The following GRID1 variants were observed in gnomAD, a reference collection of about 807,000 sequenced individuals.
GRID1 encodes glutamate ionotropic receptor delta type subunit 1.
GRID1 carries 28 observed loss-of-function variants against 98.0 expected under a neutral mutation model. The ratio of observed to expected loss-of-function variants is 0.29; its 90% CI spans 0.21 to 0.39. The LOEUF (loss-of-function observed/expected upper bound fraction) is 0.39. Ranked by LOEUF, GRID1 falls within the 10% of genes least tolerant of loss-of-function variation. The probability of loss-of-function intolerance (pLI) is 1.00; values close to 1 mark genes in which losing one functional copy is unlikely to be tolerated. For missense variants in GRID1, 1,111 were observed against 1,340.5 expected, an observed-to-expected ratio of 0.83 and a Z score of 2.67; for synonymous variants, 553 against 538.5, an observed-to-expected ratio of 1.03 and a Z score of -0.37.
rs73342507 is a variant in GRID1 at position 85,870,599 on chromosome 10, G to A, written c.781-1419C>T. Among the ~76,000 whole-genome samples the A allele has an allele frequency of 5.3e-3, 802 of 152,342 alleles. 5 individuals carry two copies. Among genetic ancestry groups the A allele is most frequent in the African/African-American group, 0.018 (757 of 41,568 alleles). Reference sequence around the variant, plus strand: ...GAAACTTGCTAGCCAAAGTGCCGCTGGTAGGCAGGGCACAGTTGCAGTTGA... The same window carrying A: ...GAAACTTGCTAGCCAAAGTGCCGCTAGTAGGCAGGGCACAGTTGCAGTTGA... On this transcript the variant is annotated intron_variant, in intron 5 of 15. Coordinates refer to ENST00000327946, the MANE Select transcript of GRID1 (RefSeq NM_017551.3).
At chr10:86,019,818 T>G (rs1843026401) in intron 4 of GRID1, among the ~76,000 whole-genome samples, 1 of 152,222 alleles carries the variant, frequency 6.6e-6, no homozygotes, top group African/African-American at 2.4e-5. Context: ...CCACGAGGCA[T>G]CCTCAGCATG....
Position 85,826,178 on chromosome 10 carries a change from A to T in GRID1, c.1233+28318T>A, listed in dbSNP as rs191116058. 5.5e-3 allele frequency among the ~76,000 whole-genome samples: 844 copies of T among 152,122 alleles called. 2 individuals are homozygous for T. Among genetic ancestry groups the T allele is most frequent in the Admixed American group, 0.01 (156 of 15,286 alleles). ...CACCCTCATCTCTACTAAAAAAAAA[A>T]TACAAAATTAGCTGGGCATGGTGGC... On this transcript the variant is annotated intron_variant, in intron 8 of 15. Transcript: ENST00000327946.
chr10:86,151,815 C>T (rs79657410), intron 3 of GRID1, among the ~76,000 whole-genome samples: 1 of 152,146 alleles, frequency 6.6e-6, no homozygotes, highest in Non-Finnish European at 1.5e-5. Context: ...TCGGGATCTG[C>T]GCTGGTGGGG....
chr10:86,307,666 A>G (rs906559302), intron 2 of GRID1, among the ~76,000 whole-genome samples: 4 of 152,214 alleles, frequency 2.6e-5, no homozygotes, highest in Admixed American at 6.5e-5. Flanking sequence ...CAAATTTACT[A>G]AGAGAGAATT....
At chr10:85,604,091 G>C (rs1564674558) in intron 15 of GRID1, among the ~76,000 whole-genome samples, 1 of 152,138 alleles carries the variant, frequency 6.6e-6, no homozygotes, top group African/African-American at 2.4e-5. Flanking sequence ...ATGAATCACA[G>C]GGCTAACCCC....
intron 2 of GRID1, among the ~76,000 whole-genome samples, chr10:86,287,254 T>A (rs1283101089): frequency 6.6e-6 from 1 of 151,896 alleles, no homozygotes; most frequent in Admixed American, 6.6e-5. Flanking sequence ...GTCCCCAAAT[T>A]CCCCCCTGTA....
chr10:85,637,964 A>G (rs897155265), intron 13 of GRID1, among the ~76,000 whole-genome samples: 58 of 152,200 alleles, frequency 3.8e-4, no homozygotes, highest in African/African-American at 1.3e-3. Flanking sequence ...ATGAATACAC[A>G]ACATATAAAA....
chr10:86,279,424 T>C (rs752128964), intron 2 of GRID1, among the ~76,000 whole-genome samples: 10 of 152,156 alleles, frequency 6.6e-5, no homozygotes, highest in Non-Finnish European at 1.5e-4. Context: ...AAAATGATAA[T>C]ACATCACGAC....
chr10:85,798,969 A>G (rs966353128), intron 8 of GRID1, among the ~76,000 whole-genome samples: 1 of 152,006 alleles, frequency 6.6e-6, no homozygotes, highest in East Asian at 1.9e-4. Flanking sequence ...TTTTTCTGGT[A>G]GTTTCATAGT....
intron 3 of GRID1, among the ~76,000 whole-genome samples, chr10:86,198,663 C>A (rs1305008381): frequency 6.6e-6 from 1 of 152,152 alleles, no homozygotes; most frequent in Non-Finnish European, 1.5e-5. Context: ...CCCAATGTCA[C>A]ACAGATATGG....
chr10:86,356,148 C>G (rs1327062442), intron 2 of GRID1, among the ~76,000 whole-genome samples: 3 of 152,300 alleles, frequency 2.0e-5, no homozygotes, highest in African/African-American at 7.2e-5. Flanking sequence ...CCAGCCTAGG[C>G]TGGGGACCCA....
chr10:85,695,524 C>T (rs902537735), intron 12 of GRID1, among the ~76,000 whole-genome samples: 2 of 152,192 alleles, frequency 1.3e-5, no homozygotes, highest in Non-Finnish European at 2.9e-5. Flanking sequence ...ATGAATCTCA[C>T]TGTTCAAAGT....
intron 8 of GRID1, among the ~76,000 whole-genome samples, chr10:85,731,464 TA>T (rs35732771): frequency 1.2e-3 from 167 of 142,866 alleles, no homozygotes; most frequent in Admixed American, 1.3e-3. Flanking sequence ...ATGATACAGT[TA>T]AAAAAAAAAA....
chr10:86,338,104 G>C (rs1046771286), intron 2 of GRID1, among the ~76,000 whole-genome samples: 1 of 152,114 alleles, frequency 6.6e-6, no homozygotes, highest in African/African-American at 2.4e-5. Context: ...ACACTGATTG[G>C]CTCTTGGATG....
At chr10:85,934,300 C>T (rs1327125775) in intron 4 of GRID1, among the ~76,000 whole-genome samples, 2 of 152,050 alleles carry the variant, frequency 1.3e-5, no homozygotes, top group African/African-American at 2.4e-5. Context: ...AAGAGCAAAA[C>T]ATCTCCTTGC....
chr10:85,618,739 T>C (rs1403577216), intron 14 of GRID1, among the ~76,000 whole-genome samples: 2 of 151,880 alleles, frequency 1.3e-5, no homozygotes, highest in African/African-American at 4.8e-5. Context: ...ACATCTAGAG[T>C]GTGAGAGAAG....
chr10:85,627,939 C>T (rs76050322), intron 13 of GRID1, among the ~76,000 whole-genome samples: 1,782 of 152,276 alleles, frequency 0.012, 18 homozygotes, highest in Non-Finnish European at 0.017. Context: ...ACTCCCCCAC[C>T]TTCACCAAGT....
intron 8 of GRID1, among the ~76,000 whole-genome samples, chr10:85,824,355 A>T (rs933175414): frequency 6.6e-6 from 1 of 151,832 alleles, no homozygotes; most frequent in Non-Finnish European, 1.5e-5. Flanking sequence ...GGGATTACAG[A>T]CTCACACCAC....
chr10:86,279,121 A>C (rs1282397296), intron 2 of GRID1, among the ~76,000 whole-genome samples: 1 of 152,162 alleles, frequency 6.6e-6, no homozygotes, highest in Non-Finnish European at 1.5e-5. Context: ...AATGTTATGA[A>C]TTCTTTATAA....
Sources: allele counts gnomAD v4.1 joint callset (sites outside exome capture counted in the v4.1 genomes callset), GRCh38; gene constraint gnomAD v4.1.1; transcripts MANE v1.5; gene names NCBI Gene and HGNC (gene_info 2026-07-23, HGNC 2026-07-21).